TMEM63A: variants seen among roughly 807,000 people sequenced by gnomAD.
The protein encoded by TMEM63A is transmembrane protein 63A.
In TMEM63A, 76 loss-of-function variants were observed where a neutral mutation model predicts 100.6. The observed-to-expected ratio is 0.76, with a 90% CI of 0.63 to 0.91. The LOEUF (loss-of-function observed/expected upper bound fraction) is 0.91. Among genes scored for constraint, TMEM63A ranks in the 40% least tolerant of loss-of-function variants. TMEM63A has a pLI of 0.00. For missense variants in TMEM63A, 876 were observed against 1,008.8 expected (o/e 0.87, Z 1.78); for synonymous variants, 401 against 401.1 (o/e 1.00, Z 0.00).
In TMEM63A at chr1:225,877,375, C is replaced by G. The variant is rs766846144; in HGVS notation, c.186+20G>C. On this transcript the variant is annotated intron_variant, in intron 3 of 24. Coordinates refer to ENST00000366835, the MANE Select transcript of TMEM63A (RefSeq NM_014698.3). The stretch of plus-strand genomic sequence containing the variant: ...AACAAATAACTGAGGCAGTGGGACA[C>G]GACTCATGAGGGCTCTCACCAGGAA... 6.3e-7 allele frequency: 1 copy of G among 1,596,292 alleles called. No individual in the cohort carries two copies.
intron 1 of TMEM63A, among the ~76,000 whole-genome samples, chr1:225,881,358 A>G (rs913533724): frequency 6.6e-6 from 1 of 152,224 alleles, no homozygotes; most frequent in Non-Finnish European, 1.5e-5. Context: ...CAACACCTGT[A>G]AAGCACTTAG....
chr1:225,842,936 G>A (rs183745465), downstream of TMEM63A, among the ~76,000 whole-genome samples: 1 of 152,310 alleles, frequency 6.6e-6, no homozygotes, highest in Admixed American at 6.5e-5. Flanking sequence ...CTGACTCCCA[G>A]CTCTGTGGCC....
chr1:225,867,848 G>T lies in TMEM63A; in HGVS notation c.514+40C>A. ...GCCCTTTCCCTAGGACTGCCACTCT[G>T]CCCCATTACAACATAGACAAGGGTG... On this transcript the variant is annotated intron_variant, in intron 7 of 24. Coordinates refer to ENST00000366835, the MANE Select transcript of TMEM63A (RefSeq NM_014698.3). This position sits in a 1 kb window ranked among gnomAD's most constrained non-coding sequence, Gnocchi z 4.6. 8 of 1,612,734 alleles carry T rather than the reference G, an allele frequency of 5.0e-6. No homozygotes were observed. Among genetic ancestry groups the T allele is most frequent in the Non-Finnish European group, 6.8e-6 (8 of 1,179,226 alleles).
chr1:225,842,091 G>A (rs530538348), downstream of TMEM63A, among the ~76,000 whole-genome samples: 10 of 152,374 alleles, frequency 6.6e-5, no homozygotes, highest in South Asian at 2.1e-4. Context: ...ATGCAGAGGC[G>A]TAGGCCCTTC....
downstream of TMEM63A, chr1:225,844,469 G>A: frequency 3.1e-6 from 5 of 1,614,060 alleles, no homozygotes; most frequent in Non-Finnish European, 4.2e-6. Context: ...GTGGCACTGA[G>A]AGTGGGGCTT....
At chr1:225,875,686 A>C (rs1258871743) in intron 3 of TMEM63A, among the ~76,000 whole-genome samples, 1 of 152,004 alleles carries the variant, frequency 6.6e-6, no homozygotes, top group East Asian at 1.9e-4. Context: ...TGCAGTGCAG[A>C]CACTTCCCAC....
chr1:225,848,617 C>T (rs1669148663), intron 22 of TMEM63A, 63 bp from the exon 23 acceptor site: 1 of 1,539,072 alleles, frequency 6.5e-7, no homozygotes, highest in East Asian at 2.2e-5. Flanking sequence ...CAAACACCCT[C>T]CAAACACACA....
At position 225,862,555 on chromosome 1, in the gene TMEM63A, G is replaced by A. The variant is rs1669996946; in HGVS notation, c.851C>T (p.Thr284Ile). Residue 284 changes from threonine to isoleucine, a missense_variant, in exon 12 of 25, where the codon ACC (threonine) becomes ATC (isoleucine). Transcript: ENST00000366835. This position sits in a 1 kb window ranked among gnomAD's most constrained non-coding sequence, Gnocchi z 5.1. ...KEKKKTEKSL[T>I]YYTNLQVKTG... The stretch of plus-strand genomic sequence containing the variant: ...CTTCACCTGCAGGTTTGTGTAATAG[G>A]TCAGGCTCTTCTCAGTCTTCTTTCT... 2 of 1,613,942 alleles carry A rather than the reference G, an allele frequency of 1.2e-6. No homozygotes were observed. The highest frequency in any genetic ancestry group is 1.7e-6 in the Non-Finnish European group (2 of 1,179,992).
At chr1:225,855,215 G>C (rs1360810814) in intron 18 of TMEM63A, among the ~76,000 whole-genome samples, 1 of 152,120 alleles carries the variant, frequency 6.6e-6, no homozygotes, top group Non-Finnish European at 1.5e-5. Context: ...TAGGGGCTGG[G>C]GTTGAATCCC....
Position 225,858,948 on chromosome 1 carries a change from ATGTGTGTGTGTGTG to A in TMEM63A, c.1377+234_1377+247del, listed in dbSNP as rs57543496. Among the ~76,000 whole-genome samples the A allele has an allele frequency of 3.2e-3, 450 of 139,734 alleles. 4 individuals are homozygous for A. The highest frequency in any genetic ancestry group is 9.4e-3 in the Admixed American group (131 of 13,940). 91.7% of individuals were successfully genotyped at this position (139,734 alleles called of 152,430 possible). A position where few individuals can be genotyped will look rare whatever the true frequency, so the allele number is the denominator to read the frequency against. On this transcript the variant is annotated intron_variant, in intron 15 of 24. Transcript: ENST00000366835. ...GCATGTGTGTGTATATATACATATA[ATGTGTGTGTGTGTG>A]TGTGTGTGTGTGTGTGTGTGTGTGT... is the stretch of plus-strand genomic sequence containing the variant.
rs1459147312 is a variant in TMEM63A at position 225,870,447 on chromosome 1, C to G, written c.371+629G>C. Among the ~76,000 whole-genome samples, 4 of 152,078 alleles carry G rather than the reference C, an allele frequency of 2.6e-5. No individual in the cohort carries two copies. The East Asian group carries it at 5.8e-4, about 22-fold the overall frequency. On this transcript the variant is annotated intron_variant, in intron 6 of 24. Coordinates refer to ENST00000366835, the MANE Select transcript of TMEM63A (RefSeq NM_014698.3). ...ACCAAGACTCACATCAGTCCCCGCCCCCCCCCGCCTCCTGGCTCCCTACAC... is the reference window on the plus strand; with the variant it reads ...ACCAAGACTCACATCAGTCCCCGCCGCCCCCCGCCTCCTGGCTCCCTACAC...
intron 15 of TMEM63A, among the ~76,000 whole-genome samples, chr1:225,858,648 C>A (rs1669770782): frequency 6.6e-6 from 1 of 152,080 alleles, no homozygotes; most frequent in African/African-American, 2.4e-5. Flanking sequence ...ATAACAAGGT[C>A]ATTAGCAACC....
At chr1:225,873,776 C>A (rs1460386790) in intron 4 of TMEM63A, among the ~76,000 whole-genome samples, 1 of 152,168 alleles carries the variant, frequency 6.6e-6, no homozygotes. Context: ...TGCCCTTGAT[C>A]CTCACTCAGC....
At chr1:225,864,407 T>C (rs1287087878) in intron 10 of TMEM63A, 1 of 152,212 alleles carries the variant, frequency 6.6e-6, no homozygotes, top group Non-Finnish European at 1.5e-5. Context: ...GCATCCCTGC[T>C]TGAAAGGCAA....
In TMEM63A at chr1:225,856,919, G is replaced by C; in HGVS notation, c.1476C>G (p.His492Gln). 6.2e-7 allele frequency: 1 copy of C among 1,611,018 alleles called. No homozygotes were observed. The highest frequency in any genetic ancestry group is 1.7e-5 in the Admixed American group (1 of 58,882). Residue 492 changes from histidine to glutamine, a missense_variant, in exon 16 of 25, where the codon CAC (histidine) becomes CAG (glutamine). Physicochemically the swap from His to Gln is conservative, Grantham distance 24. This residue lies in a region of TMEM63A where 487 missense variants were observed against 581.9 expected (regional missense o/e 0.84). Transcript: ENST00000366835. ...GGCTCCCGGGCACTCACTTGGTCCA[G>C]TGAGACTCCAGCAGTGTAGAGTAGT... ...IVYYSTLLES[H>Q]WTKSGENQIM...
rs1440306298 is a variant in TMEM63A at position 225,853,966 on chromosome 1, A to C, written c.1635-175T>G. On this transcript the variant is annotated intron_variant, in intron 18 of 24. Coordinates refer to ENST00000366835, the MANE Select transcript of TMEM63A (RefSeq NM_014698.3). The surrounding 1 kb of genome is among the most constrained non-coding windows in gnomAD (Gnocchi z 4.0). ...CCAAGCACCTTTCTAGGCACTGAGA[A>C]TAGAACAAAGCCCCTGCGCCACTCT... Among the ~76,000 whole-genome samples, 2 of 152,160 alleles carry C rather than the reference A, an allele frequency of 1.3e-5. No homozygotes were observed. The highest frequency in any genetic ancestry group is 6.5e-5 in the Admixed American group (1 of 15,284).
At chr1:225,842,340 C>T, downstream of TMEM63A, 1 of 1,524,158 alleles carries the variant, frequency 6.6e-7, no homozygotes, top group Non-Finnish European at 9.1e-7. Flanking sequence ...GCCTGAGTCT[C>T]TCCCTTGCTC....
chr1:225,846,229 C>T lies in TMEM63A; in HGVS notation c.*710G>A. On this transcript the variant is annotated 3_prime_UTR_variant, in exon 25 of 25. Transcript: ENST00000366835. ...AGGGAGCAGACGGAGGGGGTGAGTA[C>T]TGCACAGAGCCTGCCTGGAGGTGCA... 1 of 153,176 alleles carries T rather than the reference C, an allele frequency of 6.5e-6. No individual in the cohort carries two copies. Among genetic ancestry groups the T allele is most frequent in the Non-Finnish European group, 1.5e-5 (1 of 68,706 alleles). The allele number at this position is 153,176 out of a possible 1,614,324, so 9.5% of individuals were successfully genotyped here.
At chr1:225,860,628 A>G (rs537649160) in intron 14 of TMEM63A, 6 of 387,242 alleles carry the variant, frequency 1.5e-5, no homozygotes, top group South Asian at 2.6e-4. Context: ...CAGAACTGGC[A>G]TTATATTTCT....
Sources: allele counts gnomAD v4.1 joint callset (sites outside exome capture counted in the v4.1 genomes callset), GRCh38; gene constraint gnomAD v4.1.1; regional missense constraint gnomAD v4.1.1; non-coding constraint Gnocchi (gnomAD v3.1); transcripts MANE v1.5; gene names NCBI Gene and HGNC (gene_info 2026-07-23, HGNC 2026-07-21).